The following THSD7A variants were observed in gnomAD, a reference collection of about 807,000 sequenced individuals.
THSD7A encodes the protein thrombospondin type-1 domain-containing protein 7A.
A neutral mutation model predicts 231.3 loss-of-function variants in THSD7A; 96 were observed. The ratio of observed to expected loss-of-function variants is 0.41; its 90% confidence interval spans 0.35 to 0.49. THSD7A has a LOEUF of 0.49. Ranked by LOEUF, THSD7A falls within the 20% of genes least tolerant of loss-of-function variation. The pLI is 0.05. For missense variants in THSD7A, 2,290 were observed against 2,070.2 expected, an observed-to-expected ratio of 1.11 and a Z score of -2.06; for synonymous variants, 940 against 743.3, an observed-to-expected ratio of 1.26 and a Z score of -4.30.
chr7:11,724,528 T>C (rs1781478638), intron 1 of THSD7A, among the ~76,000 whole-genome samples: 2 of 151,826 alleles, frequency 1.3e-5, no homozygotes. Flanking sequence ...AAATAATATG[T>C]GAATATCTGT....
At chr7:11,589,780 TAATC>T (rs1426202273) in intron 4 of THSD7A, among the ~76,000 whole-genome samples, 1 of 152,218 alleles carries the variant, frequency 6.6e-6, no homozygotes, top group African/African-American at 2.4e-5. Context: ...AATATACACT[TAATC>T]AAATAATTAT....
At chr7:11,556,329 C>CTA (rs35115342) in intron 4 of THSD7A, among the ~76,000 whole-genome samples, 19 of 150,138 alleles carry the variant, frequency 1.3e-4, no homozygotes, top group African/African-American at 2.4e-4. Context: ...ACAAGATATA[C>CTA]TATATATATA....
At chr7:11,764,289 T>C (rs1782958023) in intron 1 of THSD7A, among the ~76,000 whole-genome samples, 1 of 151,980 alleles carries the variant, frequency 6.6e-6, no homozygotes, top group Non-Finnish European at 1.5e-5. Flanking sequence ...ATAGATAAAT[T>C]TAAAAGTAAA....
At chr7:11,710,359 C>T (rs770062066) in intron 1 of THSD7A, among the ~76,000 whole-genome samples, 3 of 150,890 alleles carry the variant, frequency 2.0e-5, no homozygotes, top group Non-Finnish European at 4.5e-5. Flanking sequence ...TTTCAGACCC[C>T]TTGGGCAACC....
chr7:11,712,113 G>A (rs781116298), intron 1 of THSD7A, among the ~76,000 whole-genome samples: 2 of 150,974 alleles, frequency 1.3e-5, no homozygotes, highest in African/African-American at 4.8e-5. Context: ...CTAGACTTCT[G>A]TCTATGGTAT....
chr7:11,774,512 ACACACACACACACT>A (rs1310282846), intron 1 of THSD7A, among the ~76,000 whole-genome samples: 14 of 135,858 alleles, frequency 1.0e-4, no homozygotes, highest in Non-Finnish European at 2.0e-4. Flanking sequence ...ACACACACAC[ACACACACACACACT>A]CTGACACAAG....
chr7:11,683,931 C>A (rs115046780), intron 1 of THSD7A, among the ~76,000 whole-genome samples: 2,415 of 151,650 alleles, frequency 0.016, 70 homozygotes, highest in African/African-American at 0.055. Flanking sequence ...ACAACAACAA[C>A]AAAAAACTAC....
In THSD7A at chr7:11,596,302, T is replaced by C. The variant is rs978712743; in HGVS notation, c.1023-2800A>G. ...ACTGGACACTGGCTCGGAGCTGACATTGATTCCAGGGGACCCAAAACATCA... is the reference window on the plus strand; with the variant it reads ...ACTGGACACTGGCTCGGAGCTGACACTGATTCCAGGGGACCCAAAACATCA... On this transcript the variant is annotated intron_variant, in intron 2 of 27. Transcript: ENST00000423059. Among the ~76,000 whole-genome samples the C allele has an allele frequency of 6.6e-5, 10 of 152,184 alleles. No individual in the cohort carries two copies. In the East Asian group the frequency reaches 9.6e-4, roughly 15 times the overall value.
At position 11,748,239 on chromosome 7, in the gene THSD7A, T is replaced by C. The variant is rs1388399436; in HGVS notation, c.190+83518A>G. ...TTTCAGAAGGCAAAAATGATGGAGT[T>C]ACTGACATGATTAAATTTGAATAGT... is the stretch of plus-strand genomic sequence containing the variant. On this transcript the variant is annotated intron_variant, in intron 1 of 27. Coordinates refer to ENST00000423059, the MANE Select transcript of THSD7A (RefSeq NM_015204.3). 7.2e-5 allele frequency among the ~76,000 whole-genome samples: 11 copies of C among 151,856 alleles called. 1 individual carries two copies. Among genetic ancestry groups the C allele is most frequent in the Non-Finnish European group, 4.4e-5 (3 of 67,924 alleles).
At chr7:11,728,034 G>A (rs1263260416) in intron 1 of THSD7A, among the ~76,000 whole-genome samples, 2 of 151,970 alleles carry the variant, frequency 1.3e-5, no homozygotes, top group Admixed American at 6.6e-5. Flanking sequence ...GTTACTCCAA[G>A]TATGGTCAAG....
chr7:11,734,136 A>C (rs1415936527), intron 1 of THSD7A, among the ~76,000 whole-genome samples: 1 of 151,940 alleles, frequency 6.6e-6, no homozygotes, highest in Admixed American at 6.6e-5. Context: ...AGGAAATTCA[A>C]CTATAAAATG....
chr7:11,457,582 A>G (rs1785350408), intron 11 of THSD7A, among the ~76,000 whole-genome samples: 3 of 152,068 alleles, frequency 2.0e-5, no homozygotes, highest in Non-Finnish European at 4.4e-5. Context: ...TTTCTAATTT[A>G]TTCTGTACAC....
At chr7:11,792,920 G>C (rs1006749761) in intron 1 of THSD7A, among the ~76,000 whole-genome samples, 2 of 151,930 alleles carry the variant, frequency 1.3e-5, no homozygotes, top group African/African-American at 4.8e-5. Context: ...GATGGGTGAG[G>C]TTTGCCCTGT....
Position 11,831,877 on chromosome 7 carries a change from G to T in THSD7A, c.70C>A (p.Gln24Lys), listed in dbSNP as rs1785207908. 1 of 1,267,304 alleles carries T rather than the reference G, an allele frequency of 7.9e-7. No individual in the cohort carries two copies. The highest frequency in any genetic ancestry group is 1.5e-5 in the African/African-American group (1 of 64,562). The allele number at this position is 1,267,304 out of a possible 1,614,324, so 78.5% of individuals were successfully genotyped here. A position where few individuals can be genotyped will look rare whatever the true frequency, so the allele number is the denominator to read the frequency against. Residue 24 changes from glutamine to lysine, a missense_variant, in exon 1 of 28, where the codon CAG becomes AAG. Physicochemically the swap from Gln to Lys is moderately conservative, Grantham distance 53. Transcript: ENST00000423059. The surrounding 1 kb of genome is among the most constrained non-coding windows in gnomAD (Gnocchi z 5.0). ...GAAGPRRGVL[Q>K]LLPLPLPLPL... ...AGCGGCAGCGGCAGCGGCAGCAGCT[G>T]CAGGACGCCCCGGCGCGGCCCCGCA...
At chr7:11,533,112 C>T (rs1365606489) in intron 6 of THSD7A, among the ~76,000 whole-genome samples, 3 of 152,040 alleles carry the variant, frequency 2.0e-5, no homozygotes, top group Admixed American at 2.0e-4. Context: ...AAGTGATATC[C>T]AATGAGATAT....
At position 11,636,375 on chromosome 7, in the gene THSD7A, G is replaced by C. The variant is rs749100359; in HGVS notation, c.777C>G (p.Pro259=). 6.2e-7 allele frequency: 1 copy of C among 1,613,698 alleles called. No homozygotes were observed. Among genetic ancestry groups the C allele is most frequent in the Non-Finnish European group, 8.5e-7 (1 of 1,179,906 alleles). The change falls in exon 2 of 28, where the codon CCC becomes CCG. Residue 259 remains proline (P), a synonymous_variant. Transcript: ENST00000423059. This position sits in a 1 kb window ranked among gnomAD's most constrained non-coding sequence, Gnocchi z 10.0. ...EELRYSLHVG[P]WSTCSMPHSR... The stretch of plus-strand genomic sequence containing the variant: ...AGTGGGGCATTGAGCAGGTGCTCCA[G>C]GGCCCCACATGCAGGCTGTACCTGA...
intron 1 of THSD7A, among the ~76,000 whole-genome samples, chr7:11,785,833 A>G (rs902185607): frequency 6.6e-6 from 1 of 152,116 alleles, no homozygotes; most frequent in Non-Finnish European, 1.5e-5. Flanking sequence ...GCTAAGACTT[A>G]AAGAATAAAA....
At chr7:11,774,555 G>A (rs1783339203) in intron 1 of THSD7A, among the ~76,000 whole-genome samples, 3 of 151,528 alleles carry the variant, frequency 2.0e-5, no homozygotes, top group Admixed American at 2.0e-4. Flanking sequence ...TGGAGGTAAT[G>A]GATATTTTTA....
intron 17 of THSD7A, among the ~76,000 whole-genome samples, chr7:11,415,019 C>T (rs1459443568): frequency 1.3e-5 from 2 of 152,198 alleles, no homozygotes; most frequent in African/African-American, 4.8e-5. Flanking sequence ...CTAACGCTGC[C>T]TCCTTACATT....
Sources: allele counts gnomAD v4.1 joint callset (sites outside exome capture counted in the v4.1 genomes callset), GRCh38; gene constraint gnomAD v4.1.1; non-coding constraint Gnocchi (gnomAD v3.1); transcripts MANE v1.5; gene names NCBI Gene and HGNC (gene_info 2026-07-23, HGNC 2026-07-21).